DOCK4: variants seen among roughly 807,000 people sequenced by gnomAD.
DOCK4 encodes dedicator of cytokinesis 4.
A neutral mutation model predicts 268.1 loss-of-function variants in DOCK4; 97 were observed. The ratio of observed to expected loss-of-function variants is 0.36; its 90% CI spans 0.31 to 0.43. The LOEUF is 0.43. Ranked by LOEUF, DOCK4 falls within the 20% of genes least tolerant of loss-of-function variation. DOCK4 has a pLI of 1.00. For synonymous variants in DOCK4, 954 were observed against 887.2 expected, an observed-to-expected ratio of 1.08 and a Z score of -1.34; for missense variants, 2,145 against 2,455.7, an observed-to-expected ratio of 0.87 and a Z score of 2.67.
intron 1 of DOCK4, among the ~76,000 whole-genome samples, chr7:112,085,577 G>GT (rs1809005658): frequency 6.6e-6 from 1 of 152,242 alleles, no homozygotes; most frequent in East Asian, 1.9e-4. Context: ...AGGTAATCAA[G>GT]TAGCAGATGG....
rs978943365 is a variant in DOCK4, at chr7:111,936,915, A to C, written c.978-1287T>G. 5.9e-5 allele frequency among the ~76,000 whole-genome samples: 9 copies of C among 152,326 alleles called. No individual in the cohort carries two copies. In the East Asian group the frequency reaches 1.7e-3, roughly 29 times the overall value. On this transcript the variant is annotated intron_variant, in intron 11 of 52. Coordinates refer to ENST00000428084, the MANE Select transcript of DOCK4 (RefSeq NM_001363540.2). ...ATCTAAATGAGCGCCGAATCTTAAG[A>C]GGGCTGGAAAATTAAGATGGAATGA... is the stretch of plus-strand genomic sequence containing the variant.
At chr7:111,937,458 G>T (rs1794831941) in intron 11 of DOCK4, among the ~76,000 whole-genome samples, 1 of 152,086 alleles carries the variant, frequency 6.6e-6, no homozygotes, top group Non-Finnish European at 1.5e-5. Flanking sequence ...AAAACACAAA[G>T]AGCAGAACAA....
intron 26 of DOCK4, among the ~76,000 whole-genome samples, chr7:111,823,860 T>C (rs1020221299): frequency 4.6e-5 from 7 of 152,232 alleles, no homozygotes; most frequent in African/African-American, 1.7e-4. Context: ...AATGTAAGAT[T>C]ATGGTTGTCA....
At chr7:111,961,146 G>A (rs1796859030) in intron 8 of DOCK4, among the ~76,000 whole-genome samples, 1 of 152,006 alleles carries the variant, frequency 6.6e-6, no homozygotes, top group African/African-American at 2.4e-5. Context: ...CCTCTCTTTT[G>A]CTCTCCAATG....
At position 112,104,426 on chromosome 7, in the gene DOCK4, A is replaced by G. The variant is rs148652341; in HGVS notation, c.38-100295T>C. On this transcript the variant is annotated intron_variant, in intron 1 of 52. Coordinates refer to ENST00000428084, the MANE Select transcript of DOCK4 (RefSeq NM_001363540.2). ...AGTGCAGCCCTCTACTCTAACGGGAAAAAAAACTCCCAACTCAGAACATTT... is the reference window on the plus strand; with the variant it reads ...AGTGCAGCCCTCTACTCTAACGGGAGAAAAAACTCCCAACTCAGAACATTT... Among the ~76,000 whole-genome samples the G allele has an allele frequency of 1.4e-3, 214 of 152,278 alleles. 1 individual carries two copies. In the South Asian group the frequency reaches 0.018, roughly 13 times the overall value.
intron 1 of DOCK4, among the ~76,000 whole-genome samples, chr7:112,146,967 G>A (rs1291184696): frequency 1.3e-5 from 2 of 152,036 alleles, no homozygotes; most frequent in Non-Finnish European, 2.9e-5. Context: ...TTTCTTAAAA[G>A]CCCCAAAGCA....
In DOCK4 at chr7:111,726,703, C is replaced by A. The variant is rs1243873385; in HGVS notation, c.*1571G>T. ...GCACATATGTACAAATATTCTTTTT[C>A]CATACGTAAAGTATTTGGCATAATT... On this transcript the variant is annotated 3_prime_UTR_variant, in exon 53 of 53. Transcript: ENST00000428084. 1 of 152,594 alleles carries A rather than the reference C, an allele frequency of 6.6e-6. No individual in the cohort carries two copies. Among genetic ancestry groups the A allele is most frequent in the Non-Finnish European group, 1.5e-5 (1 of 68,020 alleles). 9.5% of individuals were successfully genotyped at this position (152,594 alleles called of 1,614,324 possible).
At chr7:112,077,670 C>CGT (rs1563062683) in intron 1 of DOCK4, among the ~76,000 whole-genome samples, 1 of 151,868 alleles carries the variant, frequency 6.6e-6, no homozygotes, top group Non-Finnish European at 1.5e-5. Flanking sequence ...TTAATATGTG[C>CGT]GTGTGTGTGT....
chr7:112,144,233 T>A (rs999376275), intron 1 of DOCK4, among the ~76,000 whole-genome samples: 1 of 152,126 alleles, frequency 6.6e-6, no homozygotes, highest in Non-Finnish European at 1.5e-5. Context: ...AAGAACCATC[T>A]CAGTATTTTA....
intron 16 of DOCK4, among the ~76,000 whole-genome samples, chr7:111,886,173 TAGG>T (rs1223958204): frequency 6.6e-6 from 1 of 152,108 alleles, no homozygotes; most frequent in Non-Finnish European, 1.5e-5. Context: ...TTGTGAAAAG[TAGG>T]TAATCACATT....
At chr7:112,150,803 G>C (rs765949756) in intron 1 of DOCK4, among the ~76,000 whole-genome samples, 2 of 152,098 alleles carry the variant, frequency 1.3e-5, no homozygotes, top group African/African-American at 2.4e-5. Flanking sequence ...CCCTTCTTAG[G>C]ACTTCTATAT....
At chr7:112,033,166 T>C (rs1420242173) in intron 1 of DOCK4, among the ~76,000 whole-genome samples, 2 of 152,256 alleles carry the variant, frequency 1.3e-5, no homozygotes, top group South Asian at 2.1e-4. Flanking sequence ...AAATACAATA[T>C]GCAGACAGAT....
At position 111,736,899 on chromosome 7, in the gene DOCK4, C is replaced by T; in HGVS notation, c.5305+18G>A. 6.3e-7 allele frequency: 1 copy of T among 1,588,768 alleles called. No individual in the cohort carries two copies. Among genetic ancestry groups the T allele is most frequent in the Non-Finnish European group, 8.6e-7 (1 of 1,166,662 alleles). ...AAGCCCTTACACATTCCAGGACTGA[C>T]CATGGGGCTGGCCTTACCTTTTTCA... is the stretch of plus-strand genomic sequence containing the variant. On this transcript the variant is annotated intron_variant, in intron 50 of 52. Coordinates refer to ENST00000428084, the MANE Select transcript of DOCK4 (RefSeq NM_001363540.2).
At chr7:112,091,211 A>G (rs1158424573) in intron 1 of DOCK4, among the ~76,000 whole-genome samples, 1 of 152,196 alleles carries the variant, frequency 6.6e-6, no homozygotes, top group Non-Finnish European at 1.5e-5. Flanking sequence ...ATTCGCAGAC[A>G]TAATTAAGAT....
intron 1 of DOCK4, among the ~76,000 whole-genome samples, chr7:112,126,461 C>T (rs964835651): frequency 5.9e-5 from 9 of 152,176 alleles, no homozygotes; most frequent in Non-Finnish European, 8.8e-5. Flanking sequence ...GTGTCTAGTA[C>T]CAGCAGTCTC....
At chr7:112,113,759 T>C (rs1042061830) in intron 1 of DOCK4, among the ~76,000 whole-genome samples, 5 of 113,318 alleles carry the variant, frequency 4.4e-5, no homozygotes, top group Non-Finnish European at 7.0e-5. Flanking sequence ...TTTTTTTTTT[T>C]TTTTTTTTTT....
intron 1 of DOCK4, among the ~76,000 whole-genome samples, chr7:112,082,692 C>T (rs1240392961): frequency 6.6e-6 from 1 of 152,058 alleles, no homozygotes; most frequent in Non-Finnish European, 1.5e-5. Flanking sequence ...GATTACATTA[C>T]ACTTAACGAT....
chr7:111,920,397 A>T (rs1397850957), intron 12 of DOCK4, among the ~76,000 whole-genome samples: 7 of 152,206 alleles, frequency 4.6e-5, no homozygotes. Flanking sequence ...TGCCATAAAT[A>T]TGTACAATTT....
chr7:111,868,282 G>C (rs1257227165), intron 21 of DOCK4, 128 bp from the exon 22 acceptor site: 1 of 622,432 alleles, frequency 1.6e-6, no homozygotes, highest in African/African-American at 1.9e-5. Flanking sequence ...CCAAGGCCTT[G>C]TGAGGCTTTT....
Sources: allele counts gnomAD v4.1 joint callset (sites outside exome capture counted in the v4.1 genomes callset), GRCh38; gene constraint gnomAD v4.1.1; transcripts MANE v1.5; gene names NCBI Gene and HGNC (gene_info 2026-07-23, HGNC 2026-07-21).